The following ZNF653 variants were observed in gnomAD, a reference collection of about 807,000 sequenced individuals.
ZNF653 encodes the protein zinc finger protein 653, also known as 67 kDa zinc finger protein.
A neutral mutation model predicts 59.9 loss-of-function variants in ZNF653; 37 were observed. That is an observed-to-expected ratio of 0.62 (90% confidence interval 0.48 to 0.81). The LOEUF (loss-of-function observed/expected upper bound fraction) is 0.81, where lower values mean the gene tolerates loss of function less well. Among genes scored for constraint, ZNF653 ranks in the 40% least tolerant of loss-of-function variants. ZNF653 has a pLI of 0.00. For missense variants in ZNF653, 808 were observed against 881.1 expected, an observed-to-expected ratio of 0.92 and a Z score of 1.05; for synonymous variants, 435 against 371.8, an observed-to-expected ratio of 1.17 and a Z score of -1.96.
intron 3 of ZNF653, among the ~76,000 whole-genome samples, chr19:11,490,830 A>T (rs1308387072): frequency 6.6e-6 from 1 of 152,120 alleles, no homozygotes; most frequent in Non-Finnish European, 1.5e-5. Context: ...TCTCAAACTC[A>T]GATCTGCAAC....
At chr19:11,484,601 G>A (rs537662469) in intron 7 of ZNF653, among the ~76,000 whole-genome samples, 49 of 151,908 alleles carry the variant, frequency 3.2e-4, no homozygotes, top group Admixed American at 1.4e-3. Context: ...AGTAGAGACG[G>A]GGTTTCTCTA....
In ZNF653 at chr19:11,501,497, G is replaced by A. The variant is rs527368071; in HGVS notation, c.300-3158C>T. ...ACCCAGCCTCCTTCTTCATTTCCCCGTTTTGTCACAGTTGTCTACACTCGC... is the reference window on the plus strand; with the variant it reads ...ACCCAGCCTCCTTCTTCATTTCCCCATTTTGTCACAGTTGTCTACACTCGC... On this transcript the variant is annotated intron_variant, in intron 1 of 8. Transcript: ENST00000293771. 3.4e-4 allele frequency among the ~76,000 whole-genome samples: 52 copies of A among 151,912 alleles called. No homozygotes were observed. In the South Asian group the frequency reaches 7.1e-3, roughly 21 times the overall value.
At chr19:11,500,162 A>G (rs983881055) in intron 1 of ZNF653, among the ~76,000 whole-genome samples, 1 of 152,002 alleles carries the variant, frequency 6.6e-6, no homozygotes, top group Non-Finnish European at 1.5e-5. Flanking sequence ...CCCTGTAACA[A>G]TTCTCAGTCC....
chr19:11,485,020 C>T (rs1169957847), intron 7 of ZNF653, among the ~76,000 whole-genome samples: 1 of 150,878 alleles, frequency 6.6e-6, no homozygotes, highest in Non-Finnish European at 1.5e-5. Flanking sequence ...CCAGCCCGGG[C>T]AACAGAGTGA....
chr19:11,494,595 AAGG>A (rs1971565240), intron 3 of ZNF653, among the ~76,000 whole-genome samples: 1 of 152,062 alleles, frequency 6.6e-6, no homozygotes, highest in South Asian at 2.1e-4. Context: ...GAGGCTGAGG[AAGG>A]AGAATGGCTG....
rs759022973 is a variant in ZNF653 at position 11,487,713 on chromosome 19, G to A, written c.750C>T (p.His250=). The change falls in exon 4 of 9, where the codon CAC becomes CAT. Residue 250 remains histidine (H), a synonymous_variant. Coordinates refer to ENST00000293771, the MANE Select transcript of ZNF653 (RefSeq NM_138783.4). The surrounding 1 kb of genome is among the most constrained non-coding windows in gnomAD (Gnocchi z 5.1). ...EGVHIPFDVH[H]VESLAEQGTP... ...TACCCTGCTCGGCCAGGCTTTCCACGTGGTGGACGTCAAAGGGAATGTGCA... is the reference window on the plus strand; with the variant it reads ...TACCCTGCTCGGCCAGGCTTTCCACATGGTGGACGTCAAAGGGAATGTGCA... 3.8e-5 allele frequency: 61 copies of A among 1,613,752 alleles called. No individual in the cohort carries two copies. Among genetic ancestry groups the A allele is most frequent in the Non-Finnish European group, 4.7e-5 (56 of 1,179,946 alleles).
intron 3 of ZNF653, among the ~76,000 whole-genome samples, chr19:11,494,041 G>A (rs1971556030): frequency 6.6e-6 from 1 of 151,486 alleles, no homozygotes; most frequent in Admixed American, 6.6e-5. Flanking sequence ...AAAATAAAAA[G>A]CCAGGTATGG....
In ZNF653 at chr19:11,505,774, C is replaced by G. The variant is rs761059213; in HGVS notation, c.13G>C (p.Ala5Pro). 2.1e-6 allele frequency: 3 copies of G among 1,407,862 alleles called. No homozygotes were observed. The South Asian group carries it at 4.6e-5, about 22-fold the overall frequency. 87.2% of individuals were successfully genotyped at this position (1,407,862 alleles called of 1,614,324 possible). MAER[A>P]LEPEAEAEAE... ...TCCGCCTCCGCCTCGGGCTCTAGCG[C>G]CCGCTCCGCCATCCCCCCCACCCTG... The change falls in exon 1 of 9, where the codon GCG becomes CCG. Residue 5 changes from alanine to proline, a missense_variant. Ala to Pro is a conservative substitution (Grantham distance 27). Transcript: ENST00000293771.
At chr19:11,494,858 A>G (rs1369889066) in intron 3 of ZNF653, among the ~76,000 whole-genome samples, 5 of 152,182 alleles carry the variant, frequency 3.3e-5, no homozygotes, top group Admixed American at 2.6e-4. Flanking sequence ...TGACAAGGCC[A>G]TGGGGAAGAT....
intron 1 of ZNF653, 35 bp downstream of exon 1, chr19:11,505,453 T>TC (rs1568399014): frequency 2.1e-6 from 3 of 1,409,994 alleles, no homozygotes; most frequent in Non-Finnish European, 2.7e-6. Context: ...TGGGGGCGTC[T>TC]CCTCCCTCCC....
chr19:11,491,385 G>A (rs1053634520), intron 3 of ZNF653, among the ~76,000 whole-genome samples: 1 of 152,286 alleles, frequency 6.6e-6, no homozygotes, highest in Non-Finnish European at 1.5e-5. Flanking sequence ...CCTGGGTCCA[G>A]GGATGAAAGG....
chr19:11,487,805 C>T lies in ZNF653; in HGVS notation c.658G>A (p.Ala220Thr). 3 of 1,612,384 alleles carry T rather than the reference C, an allele frequency of 1.9e-6. No individual in the cohort carries two copies. The highest frequency in any genetic ancestry group is 2.5e-6 in the Non-Finnish European group (3 of 1,179,516). Reference protein sequence around the residue: ...SPEGQPVKAAAAAAAATPTSP... With the variant: ...SPEGQPVKAATAAAAATPTSP... ...GTGGGCGTCGCTGCCGCTGCCGCTG[C>T]CGCAGCCTTGACCGGCTGGCCCTCA... Residue 220 changes from alanine to threonine, a missense_variant, in exon 4 of 9, where the codon GCA becomes ACA. Transcript: ENST00000293771. The surrounding 1 kb of genome is among the most constrained non-coding windows in gnomAD (Gnocchi z 5.1).
At chr19:11,488,322 T>C (rs996123083) in intron 3 of ZNF653, among the ~76,000 whole-genome samples, 3 of 151,294 alleles carry the variant, frequency 2.0e-5, no homozygotes, top group Non-Finnish European at 4.4e-5. Flanking sequence ...GCTAATGTTT[T>C]GTATTTTTAA....
At chr19:11,486,243 G>A (rs910972552) in intron 6 of ZNF653, among the ~76,000 whole-genome samples, 2 of 152,224 alleles carry the variant, frequency 1.3e-5, no homozygotes, top group South Asian at 2.1e-4. Context: ...ACAGGTGTGA[G>A]CCACCGCACC....
chr19:11,487,014 A>G lies in ZNF653; in HGVS notation c.1316T>C (p.Ile439Thr). Residue 439 changes from isoleucine to threonine, a missense_variant, in exon 5 of 9, where the codon ATC (isoleucine) becomes ACC (threonine). By Grantham distance (89) the Ile-to-Thr change is moderately conservative. Coordinates refer to ENST00000293771, the MANE Select transcript of ZNF653 (RefSeq NM_138783.4). The surrounding 1 kb of genome is among the most constrained non-coding windows in gnomAD (Gnocchi z 5.1). The stretch of plus-strand genomic sequence containing the variant: ...CTCAGGCTCCTTGGGGATTTCATAG[A>G]TGATGGCTGACATGTCGCTGCCGTC... ...ELDGSDMSAIIYEIPKEPEKR... is the reference protein window; with the variant it reads ...ELDGSDMSAITYEIPKEPEKR... The G allele has an allele frequency of 6.2e-7, 1 of 1,614,064 alleles. No individual in the cohort carries two copies. Among genetic ancestry groups the G allele is most frequent in the Non-Finnish European group, 8.5e-7 (1 of 1,179,984 alleles).
chr19:11,483,937 G>T, intron 8 of ZNF653, 78 bp from the exon 9 acceptor site: 2 of 1,518,430 alleles, frequency 1.3e-6, no homozygotes, highest in Non-Finnish European at 8.8e-7. Flanking sequence ...CCGAGCGCAG[G>T]TGGAACCGGG....
At chr19:11,491,550 T>C (rs1179849494) in intron 3 of ZNF653, among the ~76,000 whole-genome samples, 1 of 152,124 alleles carries the variant, frequency 6.6e-6, no homozygotes, top group Non-Finnish European at 1.5e-5. Context: ...GATAGGTTCC[T>C]GCCTCAAGGC....
chr19:11,505,336 C>T (rs1394399294), intron 1 of ZNF653, 152 bp downstream of exon 1: 3 of 763,428 alleles, frequency 3.9e-6, no homozygotes, highest in South Asian at 2.5e-5. Flanking sequence ...CGCGTCCCGG[C>T]CAGGCAGTAC....
chr19:11,497,634 C>G (rs1050859325), intron 2 of ZNF653, among the ~76,000 whole-genome samples: 9 of 152,186 alleles, frequency 5.9e-5, no homozygotes, highest in African/African-American at 2.2e-4. Flanking sequence ...AGTGCGAGGA[C>G]AGCATGTCCC....
Sources: gnomAD v4.1 joint callset for allele counts (sites outside exome capture counted in the v4.1 genomes callset) on GRCh38, gnomAD v4.1.1 for gene constraint, Gnocchi (gnomAD v3.1) non-coding constraint, MANE v1.5 for transcripts, NCBI Gene and HGNC (gene_info 2026-07-23, HGNC 2026-07-21) for gene names.